Variants in AP1B1 observed in about 807,000 individuals in gnomAD.
AP1B1 encodes the protein adaptor related protein complex 1 subunit beta 1, also known as AP-1 complex subunit beta-1.
Under a neutral mutation model 104.3 loss-of-function variants are expected in AP1B1, and 36 were observed. The ratio of observed to expected loss-of-function variants is 0.35; its 90% CI spans 0.26 to 0.46. The LOEUF (loss-of-function observed/expected upper bound fraction) is 0.46, where lower values mean the gene tolerates loss of function less well. Ranked by LOEUF, AP1B1 falls within the 20% of genes least tolerant of loss-of-function variation. The pLI is 1.00. For missense variants in AP1B1, 901 were observed against 1,247.9 expected (o/e 0.72, Z 4.19); for synonymous variants, 504 against 517.5 (o/e 0.97, Z 0.35).
intron 18 of AP1B1, 102 bp downstream of exon 18, chr22:29,331,685 A>G (rs2061560800): frequency 1.2e-6 from 2 of 1,602,178 alleles, no homozygotes; most frequent in Non-Finnish European, 1.7e-6. Context: ...ACACATCTGC[A>G]GCTAAGAGCA....
intron 9 of AP1B1, 84 bp from the exon 10 acceptor site, chr22:29,350,234 C>T (rs2061854090): frequency 3.0e-6 from 3 of 993,090 alleles, no homozygotes; most frequent in Non-Finnish European, 4.7e-6. Context: ...CGGCCAAGGG[C>T]TGCAAATCAC....
intron 1 of AP1B1, among the ~76,000 whole-genome samples, chr22:29,378,284 C>T (rs2062377844): frequency 2.0e-5 from 3 of 152,056 alleles, no homozygotes; most frequent in Non-Finnish European, 2.9e-5. Context: ...TGGCCGGGCA[C>T]GGTGACCCAC....
intron 2 of AP1B1, among the ~76,000 whole-genome samples, chr22:29,363,516 C>T (rs1363900801): frequency 3.9e-5 from 6 of 152,072 alleles, no homozygotes; most frequent in Non-Finnish European, 7.4e-5. Context: ...GGCATAGTGG[C>T]GCGTGCCTGT....
chr22:29,374,726 T>C (rs1213904412), intron 1 of AP1B1, among the ~76,000 whole-genome samples: 3 of 152,198 alleles, frequency 2.0e-5, no homozygotes, highest in Admixed American at 6.5e-5. Flanking sequence ...GCCATTAAAA[T>C]TGCAAAGGTC....
intron 18 of AP1B1, 101 bp downstream of exon 18, chr22:29,331,686 G>A (rs2061560873): frequency 1.2e-6 from 2 of 1,603,872 alleles, no homozygotes. Context: ...CACATCTGCA[G>A]CTAAGAGCAT....
At chr22:29,335,882 C>T (rs969115925) in intron 16 of AP1B1, among the ~76,000 whole-genome samples, 1 of 152,198 alleles carries the variant, frequency 6.6e-6, no homozygotes, top group Non-Finnish European at 1.5e-5. Context: ...GGCTGTGCCA[C>T]GGCGGCTGAG....
chr22:29,329,480 A>G, intron 22 of AP1B1: 1 of 1,389,950 alleles, frequency 7.2e-7, no homozygotes, highest in Non-Finnish European at 9.3e-7. Context: ...GGAGTTCCGC[A>G]GGTCAGCAGC....
chr22:29,362,034 C>T (rs1257615239), intron 3 of AP1B1, among the ~76,000 whole-genome samples: 1 of 152,056 alleles, frequency 6.6e-6, no homozygotes, highest in Non-Finnish European at 1.5e-5. Flanking sequence ...CCTCGTGATC[C>T]ACCCGCCTCG....
intron 16 of AP1B1, among the ~76,000 whole-genome samples, chr22:29,336,155 T>C (rs1372293310): frequency 6.6e-6 from 1 of 152,232 alleles, no homozygotes; most frequent in Non-Finnish European, 1.5e-5. Flanking sequence ...CCAAAAGTTC[T>C]TATGCACAGA....
At chr22:29,364,239 C>G (rs1439672702) in intron 2 of AP1B1, among the ~76,000 whole-genome samples, 2 of 152,154 alleles carry the variant, frequency 1.3e-5, no homozygotes, top group African/African-American at 4.8e-5. Context: ...TTGCTCAGCT[C>G]TGAAAACAGG....
intron 1 of AP1B1, among the ~76,000 whole-genome samples, chr22:29,369,419 T>G (rs1214195241): frequency 6.6e-6 from 1 of 152,240 alleles, no homozygotes; most frequent in Non-Finnish European, 1.5e-5. Context: ...AAGGCTTCAC[T>G]GACAAAACAG....
At chr22:29,331,970 GAC>G in intron 17 of AP1B1, 54 bp from the exon 18 acceptor site, 1 of 1,546,776 alleles carries the variant, frequency 6.5e-7, no homozygotes, top group African/African-American at 1.4e-5. Context: ...GCTGATGCGG[GAC>G]AGGTGAGCTC....
intron 11 of AP1B1, among the ~76,000 whole-genome samples, chr22:29,343,225 G>A (rs1402665817): frequency 2.0e-5 from 3 of 152,216 alleles, no homozygotes; most frequent in Non-Finnish European, 4.4e-5. Context: ...AGGACAAGGG[G>A]GCAGCCTGAT....
At chr22:29,359,797 C>T (rs1471770674) in intron 4 of AP1B1, 27 bp downstream of exon 4, 5 of 1,602,774 alleles carry the variant, frequency 3.1e-6, no homozygotes, top group Non-Finnish European at 4.3e-6. Flanking sequence ...CACCCAATGT[C>T]CCCACGCCCA....
intron 12 of AP1B1, 21 bp downstream of exon 12, chr22:29,342,264 C>T (rs371564264): frequency 1.8e-4 from 282 of 1,598,862 alleles, no homozygotes; most frequent in Non-Finnish European, 2.2e-4. Context: ...CTGGGCACAG[C>T]GGGGAGGTTG....
intron 2 of AP1B1, among the ~76,000 whole-genome samples, chr22:29,365,031 T>C (rs1456141082): frequency 3.3e-5 from 5 of 152,144 alleles, no homozygotes; most frequent in African/African-American, 7.2e-5. Flanking sequence ...TCTCTAAGCC[T>C]AGTCCCATAC....
intron 11 of AP1B1, among the ~76,000 whole-genome samples, chr22:29,348,037 C>T (rs1051464681): frequency 2.0e-5 from 3 of 152,184 alleles, no homozygotes; most frequent in African/African-American, 7.2e-5. Flanking sequence ...AGGCAAGGTG[C>T]TAAACAATTT....
intron 1 of AP1B1, among the ~76,000 whole-genome samples, chr22:29,371,249 G>A (rs946833896): frequency 3.9e-5 from 6 of 152,110 alleles, no homozygotes; most frequent in Non-Finnish European, 7.4e-5. Context: ...CATTCTCTCC[G>A]CAGGAATGGA....
chr22:29,363,508 C>T (rs1212977686), intron 2 of AP1B1, among the ~76,000 whole-genome samples: 2 of 152,090 alleles, frequency 1.3e-5, no homozygotes, highest in Non-Finnish European at 2.9e-5. Context: ...ATTAGCCGGG[C>T]ATAGTGGCGC....
Sources: gnomAD v4.1 joint callset for allele counts (sites outside exome capture counted in the v4.1 genomes callset) on GRCh38, gnomAD v4.1.1 for gene constraint, MANE v1.5 for transcripts, NCBI Gene and HGNC (gene_info 2026-07-23, HGNC 2026-07-21) for gene names.